Variants in TMPRSS6 observed in about 807,000 individuals in gnomAD.
TMPRSS6 encodes the protein transmembrane serine protease 6, also known as transmembrane protease serine 6.
In TMPRSS6, 67 loss-of-function variants were observed where a neutral mutation model predicts 101.5. That is an observed-to-expected ratio of 0.66 (90% CI 0.54 to 0.81). The LOEUF is 0.81. TMPRSS6 is among the 30% of genes least tolerant of loss of function. TMPRSS6 has a pLI of 0.00. For missense variants in TMPRSS6, 1,034 were observed against 1,088.7 expected, an observed-to-expected ratio of 0.95 and a Z score of 0.71; for synonymous variants, 453 against 464.9, an observed-to-expected ratio of 0.97 and a Z score of 0.33.
At position 37,065,740 on chromosome 22, in the gene TMPRSS6, C is replaced by T; in HGVS notation, c.*340G>A. 2.7e-6 allele frequency: 1 copy of T among 376,130 alleles called. No individual in the cohort carries two copies. Among genetic ancestry groups the T allele is most frequent in the African/African-American group, 2.1e-5 (1 of 48,590 alleles). The allele number at this position is 376,130 out of a possible 1,614,324, so 23.3% of individuals were successfully genotyped here. On this transcript the variant is annotated 3_prime_UTR_variant, in exon 18 of 18. Coordinates refer to ENST00000676104, the MANE Select transcript of TMPRSS6 (RefSeq NM_001374504.1). ...TGTACAGAGTGGGGCGCACCTCAGA[C>T]ACTCCTCGGGATGTAGAACCAGCAT... is the stretch of plus-strand genomic sequence containing the variant.
At chr22:37,073,703 C>T (rs1306815183) in intron 12 of TMPRSS6, 58 bp from the exon 13 acceptor site, 2 of 1,083,524 alleles carry the variant, frequency 1.8e-6, no homozygotes, top group Non-Finnish European at 2.9e-6. Flanking sequence ...CCAGCCGGGG[C>T]TTGGCGATGC....
At chr22:37,079,831 G>A (rs1202905831) in intron 10 of TMPRSS6, among the ~76,000 whole-genome samples, 6 of 152,234 alleles carry the variant, frequency 3.9e-5, no homozygotes, top group South Asian at 4.1e-4. Context: ...TCTCCTGCAC[G>A]GCCAGCCCAG....
At chr22:37,095,306 G>A (rs534974527) in intron 6 of TMPRSS6, among the ~76,000 whole-genome samples, 5 of 152,216 alleles carry the variant, frequency 3.3e-5, no homozygotes, top group South Asian at 2.1e-4. Flanking sequence ...ACACAGGAAC[G>A]CATGCACACC....
At chr22:37,080,901 G>T (rs759923135) in intron 10 of TMPRSS6, among the ~76,000 whole-genome samples, 7 of 152,268 alleles carry the variant, frequency 4.6e-5, no homozygotes, top group Non-Finnish European at 7.3e-5. Context: ...GGGAAGAATC[G>T]CACACGTGGA....
In TMPRSS6 at chr22:37,101,927, C is replaced by T. The variant is rs553183801; in HGVS notation, c.202+1289G>A. ...CCTGCTGGTGGTGAAATGCACATGGCGTCTACTGCCTGCGTTGCTCAACTC... is the reference window on the plus strand; with the variant it reads ...CCTGCTGGTGGTGAAATGCACATGGTGTCTACTGCCTGCGTTGCTCAACTC... On this transcript the variant is annotated intron_variant, in intron 2 of 17. Coordinates refer to ENST00000676104, the MANE Select transcript of TMPRSS6 (RefSeq NM_001374504.1). This position sits in a 1 kb window ranked among gnomAD's most constrained non-coding sequence, Gnocchi z 4.1. Among the ~76,000 whole-genome samples the T allele has an allele frequency of 9.2e-5, 14 of 152,300 alleles. No individual in the cohort carries two copies. Among genetic ancestry groups the T allele is most frequent in the African/African-American group, 2.9e-4 (12 of 41,552 alleles).
At chr22:37,068,264 A>C (rs896980649) in intron 16 of TMPRSS6, among the ~76,000 whole-genome samples, 5 of 152,240 alleles carry the variant, frequency 3.3e-5, no homozygotes, top group African/African-American at 1.2e-4. Flanking sequence ...TGAATGAACC[A>C]GCCTTTGCTT....
chr22:37,098,327 G>T, intron 3 of TMPRSS6, 89 bp downstream of exon 3: 1 of 1,595,986 alleles, frequency 6.3e-7, no homozygotes, highest in African/African-American at 1.3e-5. Flanking sequence ...CTCCAGATGG[G>T]TTGACCAACT....
intron 1 of TMPRSS6, among the ~76,000 whole-genome samples, chr22:37,108,071 C>T (rs2146201747): frequency 6.6e-6 from 1 of 152,228 alleles, no homozygotes; most frequent in South Asian, 2.1e-4. Context: ...CTCCTTTTTT[C>T]CCACCCTCTC....
chr22:37,110,190 C>G (rs1930975182), upstream of TMPRSS6, among the ~76,000 whole-genome samples: 1 of 136,562 alleles, frequency 7.3e-6, no homozygotes, highest in Non-Finnish European at 1.5e-5. Context: ...GTCACCCAGG[C>G]TAGAGTGCAG....
Position 37,065,873 on chromosome 22 carries a change from A to T in TMPRSS6, c.*207T>A. ...GGGTGTGGGCCTGGGTCCTCAGGGG[A>T]CGTCTTGACCCCCAGCTGCTGGCAC... On this transcript the variant is annotated 3_prime_UTR_variant, in exon 18 of 18. Coordinates refer to ENST00000676104, the MANE Select transcript of TMPRSS6 (RefSeq NM_001374504.1). The T allele has an allele frequency of 3.1e-6, 2 of 638,448 alleles. No individual in the cohort carries two copies. The highest frequency in any genetic ancestry group is 5.4e-6 in the Non-Finnish European group (2 of 368,556). The allele number at this position is 638,448 out of a possible 1,614,324, so 39.5% of individuals were successfully genotyped here.
At chr22:37,109,309 C>CT (rs1022119269) in intron 1 of TMPRSS6, 194 bp downstream of exon 1, 4 of 152,776 alleles carry the variant, frequency 2.6e-5, no homozygotes, top group African/African-American at 9.6e-5. Context: ...TGCGTGGTCC[C>CT]TCCCCTCCCC....
intron 6 of TMPRSS6, among the ~76,000 whole-genome samples, chr22:37,092,549 T>G (rs2146136821): frequency 6.7e-6 from 1 of 149,110 alleles, no homozygotes; most frequent in East Asian, 2.0e-4. Flanking sequence ...CAGGCTGGAG[T>G]GCAATGGTGC....
In TMPRSS6 at chr22:37,069,361, TGGG is replaced by T; in HGVS notation, c.1842-20_1842-18del. ...GAGGCCATGCTGGGGTGGGGTGGGG[TGGG>T]GTGGGGTGGGGTGAGGTGAGGTGGG... On this transcript the variant is annotated intron_variant, in intron 15 of 17. Transcript: ENST00000676104. This position sits in a 1 kb window ranked among gnomAD's most constrained non-coding sequence, Gnocchi z 4.8. The T allele has an allele frequency of 4.1e-5, 5 of 122,434 alleles. No individual in the cohort carries two copies. The highest frequency in any genetic ancestry group is 6.7e-5 in the South Asian group (1 of 15,036). 7.6% of individuals were successfully genotyped at this position (122,434 alleles called of 1,614,324 possible).
chr22:37,090,913 C>A (rs1929204100), intron 6 of TMPRSS6, among the ~76,000 whole-genome samples: 2 of 152,186 alleles, frequency 1.3e-5, no homozygotes. Context: ...TTTCATCCTG[C>A]AGCTGGCCCC....
At position 37,099,169 on chromosome 22, in the gene TMPRSS6, C is replaced by T. The variant is rs537419784; in HGVS notation, c.203-620G>A. On this transcript the variant is annotated intron_variant, in intron 2 of 17. Coordinates refer to ENST00000676104, the MANE Select transcript of TMPRSS6 (RefSeq NM_001374504.1). ...GCCTGGGCCAGAGTGGAGTGACCCT[C>T]CAGCTGAGATGTAGGGATGGGGAAA... Among the ~76,000 whole-genome samples, 7 of 152,266 alleles carry T rather than the reference C, an allele frequency of 4.6e-5. No individual in the cohort carries two copies. In the South Asian group the frequency reaches 1.5e-3, roughly 32 times the overall value.
At chr22:37,110,197 G>A (rs1483025929), upstream of TMPRSS6, among the ~76,000 whole-genome samples, 1 of 143,164 alleles carries the variant, frequency 7.0e-6, no homozygotes, top group Non-Finnish European at 1.5e-5. Context: ...AGGCTAGAGT[G>A]CAGTGGTGTG....
chr22:37,079,016 A>AGAAAGAAAGAAAGAAG lies in TMPRSS6; in HGVS notation c.1197-3737_1197-3736insCTTCTTTCTTTCTTTC, dbSNP rs1491380564. 2.3e-5 allele frequency among the ~76,000 whole-genome samples: 3 copies of AGAAAGAAAGAAAGAAG among 129,806 alleles called. No individual in the cohort carries two copies. The South Asian group carries it at 8.4e-4, about 37-fold the overall frequency. 85.2% of individuals were successfully genotyped at this position (129,806 alleles called of 152,430 possible). ...AAGAAAGAAAGAAAGAAAGAAAGAA[A>AGAAAGAAAGAAAGAAG]GAGAAAGAGAGAAAGAAAGAAAAGC... is the stretch of plus-strand genomic sequence containing the variant. On this transcript the variant is annotated intron_variant, in intron 10 of 17. Transcript: ENST00000676104.
At position 37,065,876 on chromosome 22, in the gene TMPRSS6, T is replaced by A. The variant is rs1288474921; in HGVS notation, c.*204A>T. The A allele has an allele frequency of 9.0e-6, 6 of 663,700 alleles. No individual in the cohort carries two copies. Among genetic ancestry groups the A allele is most frequent in the Non-Finnish European group, 1.5e-5 (6 of 389,460 alleles). The allele number at this position is 663,700 out of a possible 1,614,324, so 41.1% of individuals were successfully genotyped here. A position where few individuals can be genotyped will look rare whatever the true frequency, so the allele number is the denominator to read the frequency against. On this transcript the variant is annotated 3_prime_UTR_variant, in exon 18 of 18. Coordinates refer to ENST00000676104, the MANE Select transcript of TMPRSS6 (RefSeq NM_001374504.1). ...TGTGGGCCTGGGTCCTCAGGGGACG[T>A]CTTGACCCCCAGCTGCTGGCACTTC...
At position 37,073,686 on chromosome 22, in the gene TMPRSS6, A is replaced by C. The variant is rs1350625963; in HGVS notation, c.1442-41T>G. On this transcript the variant is annotated intron_variant, in intron 12 of 17. Transcript: ENST00000676104. ...GAGAGGGGACAGGTGGGAGGAAGCCAGAGGAGCCAGCCGGGGCTTGGCGAT... is the reference window on the plus strand; with the variant it reads ...GAGAGGGGACAGGTGGGAGGAAGCCCGAGGAGCCAGCCGGGGCTTGGCGAT... The C allele has an allele frequency of 2.8e-6, 4 of 1,409,156 alleles. No homozygotes were observed. The Admixed American group carries it at 5.0e-5, about 18-fold the overall frequency. The allele number at this position is 1,409,156 out of a possible 1,614,324, so 87.3% of individuals were successfully genotyped here.
Sources: gnomAD v4.1 joint callset for allele counts (sites outside exome capture counted in the v4.1 genomes callset) on GRCh38, gnomAD v4.1.1 for gene constraint, Gnocchi (gnomAD v3.1) non-coding constraint, MANE v1.5 for transcripts, NCBI Gene and HGNC (gene_info 2026-07-23, HGNC 2026-07-21) for gene names.